Variants in SIPA1L2 observed in about 807,000 individuals in gnomAD.
SIPA1L2 encodes the protein signal-induced proliferation-associated 1-like protein 2.
SIPA1L2 carries 56 observed loss-of-function variants against 163.9 expected under a neutral mutation model. That is an observed-to-expected ratio of 0.34 (90% CI 0.28 to 0.43). The LOEUF (loss-of-function observed/expected upper bound fraction) is 0.43. Ranked by LOEUF, SIPA1L2 falls within the 20% of genes least tolerant of loss-of-function variation. SIPA1L2 has a pLI of 1.00. For synonymous variants in SIPA1L2, 877 were observed against 865.7 expected, an observed-to-expected ratio of 1.01 and a Z score of -0.23; for missense variants, 1,974 against 2,193.5, an observed-to-expected ratio of 0.90 and a Z score of 2.00.
intron 1 of SIPA1L2, among the ~76,000 whole-genome samples, chr1:232,626,971 A>T (rs1449945952): frequency 6.6e-6 from 1 of 152,202 alleles, no homozygotes; most frequent in African/African-American, 2.4e-5. Flanking sequence ...TAGGCACATT[A>T]ACAGAAGTAG....
At chr1:232,496,526 A>C (rs540475610) in intron 3 of SIPA1L2, among the ~76,000 whole-genome samples, 82 of 149,866 alleles carry the variant, frequency 5.5e-4, no homozygotes, top group Non-Finnish European at 9.7e-4. Context: ...ATAAACAAAG[A>C]TCTGGTTTTA....
chr1:232,414,085 G>A lies in SIPA1L2; in HGVS notation c.4762+1409C>T, dbSNP rs561177283. Among the ~76,000 whole-genome samples, 18 of 152,206 alleles carry A rather than the reference G, an allele frequency of 1.2e-4. No individual in the cohort carries two copies. The South Asian group carries it at 2.7e-3, about 23-fold the overall frequency. ...GCAACTAACTTCTGGTAGCATCAGAGAATGAGGGTCTCCCCACAAGGCAGA... is the reference window on the plus strand; with the variant it reads ...GCAACTAACTTCTGGTAGCATCAGAAAATGAGGGTCTCCCCACAAGGCAGA... On this transcript the variant is annotated intron_variant, in intron 19 of 22. Transcript: ENST00000674635.
intron 3 of SIPA1L2, among the ~76,000 whole-genome samples, chr1:232,503,477 G>A (rs758858289): frequency 1.2e-4 from 18 of 152,152 alleles, no homozygotes; most frequent in Non-Finnish European, 1.8e-4. Flanking sequence ...AACTCTGCAG[G>A]GCCTCCTGAG....
intron 18 of SIPA1L2, among the ~76,000 whole-genome samples, chr1:232,424,145 A>G (rs1558164179): frequency 1.3e-5 from 2 of 152,046 alleles, no homozygotes; most frequent in Non-Finnish European, 2.9e-5. Context: ...TTGGGTGATA[A>G]GGATCTGTCC....
intron 8 of SIPA1L2, 119 bp downstream of exon 8, chr1:232,471,252 T>C (rs1365020053): frequency 9.7e-7 from 1 of 1,030,016 alleles, no homozygotes; most frequent in Non-Finnish European, 1.4e-6. Context: ...AGAAAGTGTC[T>C]GAGTAATTAG....
chr1:232,435,111 T>A (rs1024183055), intron 15 of SIPA1L2, among the ~76,000 whole-genome samples: 3 of 152,170 alleles, frequency 2.0e-5, no homozygotes, highest in Non-Finnish European at 2.9e-5. Context: ...CCGAGATGTT[T>A]CGTTGTTAAA....
intron 2 of SIPA1L2, among the ~76,000 whole-genome samples, chr1:232,548,484 A>AAG (rs1369089637): frequency 1.3e-5 from 2 of 152,226 alleles, no homozygotes; most frequent in Non-Finnish European, 1.5e-5. Flanking sequence ...AGACTCATGG[A>AAG]AGACAAAATA....
At chr1:232,483,460 T>C (rs1047288872) in intron 6 of SIPA1L2, among the ~76,000 whole-genome samples, 5 of 152,132 alleles carry the variant, frequency 3.3e-5, no homozygotes, top group African/African-American at 1.2e-4. Flanking sequence ...TGCTTGTCCT[T>C]GGTATACTGA....
chr1:232,566,281 A>G (rs1156962079), intron 2 of SIPA1L2, among the ~76,000 whole-genome samples: 1 of 152,230 alleles, frequency 6.6e-6, no homozygotes, highest in Non-Finnish European at 1.5e-5. Context: ...TTATCTCATT[A>G]AAGAATCAAA....
chr1:232,519,467 A>G (rs912249229), intron 2 of SIPA1L2, among the ~76,000 whole-genome samples: 4 of 152,200 alleles, frequency 2.6e-5, no homozygotes, highest in Admixed American at 2.6e-4. Context: ...AAACCGTGCA[A>G]TCTAAAGACC....
chr1:232,556,171 C>A (rs150080885), intron 2 of SIPA1L2, among the ~76,000 whole-genome samples: 34 of 152,318 alleles, frequency 2.2e-4, no homozygotes, highest in African/African-American at 6.5e-4. Context: ...TAAAAGCTTA[C>A]CTTTCTGTCT....
chr1:232,534,839 CCT>C (rs1000077031), intron 2 of SIPA1L2, among the ~76,000 whole-genome samples: 55 of 152,204 alleles, frequency 3.6e-4, no homozygotes, highest in Admixed American at 1.3e-4. Context: ...ACACTGCTCC[CCT>C]GACACAGATC....
intron 2 of SIPA1L2, among the ~76,000 whole-genome samples, chr1:232,541,924 CT>C (rs1267874102): frequency 8.0e-6 from 1 of 125,472 alleles, no homozygotes; most frequent in Non-Finnish European, 1.6e-5. Flanking sequence ...AAATCTTGGG[CT>C]GAGCCTTAAA....
At position 232,493,716 on chromosome 1, in the gene SIPA1L2, G is replaced by A. The variant is rs148734920; in HGVS notation, c.1484-56C>T. ...AGAATGAAAAAGGAACAAAGAGCAG[G>A]ATGGATATCTCTCAGTTTGTGTATC... On this transcript the variant is annotated intron_variant, in intron 3 of 22. Coordinates refer to ENST00000674635, the MANE Select transcript of SIPA1L2 (RefSeq NM_020808.5). 102 of 1,599,230 alleles carry A rather than the reference G, an allele frequency of 6.4e-5. 1 individual carries two copies. In the East Asian group the frequency reaches 2.3e-3, roughly 36 times the overall value.
intron 20 of SIPA1L2, 99 bp downstream of exon 20, chr1:232,404,026 C>T: frequency 7.3e-7 from 1 of 1,375,760 alleles, no homozygotes; most frequent in Non-Finnish European, 1.0e-6. Context: ...GCACCCCCAA[C>T]CCTCAGGGCG....
chr1:232,452,010 T>C (rs1295113292), intron 10 of SIPA1L2, among the ~76,000 whole-genome samples: 3 of 83,990 alleles, frequency 3.6e-5, no homozygotes, highest in African/African-American at 1.4e-4. Flanking sequence ...GAAAATGTGT[T>C]AGTTAAAAAT....
Position 232,439,282 on chromosome 1 carries a change from C to A in SIPA1L2, c.3857G>T (p.Ser1286Ile). Residue 1286 changes from serine to isoleucine, a missense_variant, in exon 15 of 23, where the codon AGC becomes ATC. Around this residue, in one of 3 missense-constraint regions of SIPA1L2, gnomAD observed 1,079 missense variants for 1,150.7 expected, o/e 0.94. Transcript: ENST00000674635. ...GGCCCGGCTGTGGATCAGGGACCTG[C>A]TGCCTGCCAGGTGCACAGGGCCGAG... is the stretch of plus-strand genomic sequence containing the variant. The part of the protein sequence containing the change: ...TILGPVHLAG[S>I]RSLIHSRAEQ... 2 of 1,614,136 alleles carry A rather than the reference C, an allele frequency of 1.2e-6. No individual in the cohort carries two copies. Among genetic ancestry groups the A allele is most frequent in the Middle Eastern group, 1.6e-4 (1 of 6,062 alleles).
chr1:232,599,246 C>T (rs937767490), intron 1 of SIPA1L2, among the ~76,000 whole-genome samples: 1 of 152,124 alleles, frequency 6.6e-6, no homozygotes, highest in Non-Finnish European at 1.5e-5. Flanking sequence ...TCCGGAACAC[C>T]GCAGCTTCTG....
In SIPA1L2 at chr1:232,514,797, G is replaced by A; in HGVS notation, c.543C>T (p.Asn181=). Residue 181 remains asparagine, a synonymous_variant, in exon 3 of 23, where the codon AAC becomes AAT. Coordinates refer to ENST00000674635, the MANE Select transcript of SIPA1L2 (RefSeq NM_020808.5). ...TGTGCAGGGCAGCCCCGGTGTTGGGGTTGACTGCATTTTGGTCTAAGACAT... is the reference window on the plus strand; with the variant it reads ...TGTGCAGGGCAGCCCCGGTGTTGGGATTGACTGCATTTTGGTCTAAGACAT... ...AEDVLDQNAV[N]PNTGAALHRE... 6.2e-7 allele frequency: 1 copy of A among 1,614,202 alleles called. No homozygotes were observed. The highest frequency in any genetic ancestry group is 1.1e-5 in the South Asian group (1 of 91,082).
Sources: allele counts gnomAD v4.1 joint callset (sites outside exome capture counted in the v4.1 genomes callset), GRCh38; gene constraint gnomAD v4.1.1; regional missense constraint gnomAD v4.1.1; transcripts MANE v1.5; gene names NCBI Gene and HGNC (gene_info 2026-07-23, HGNC 2026-07-21).